The following SDK1 variants were observed in gnomAD, a reference collection of about 807,000 sequenced individuals.
SDK1 encodes the protein protein sidekick-1.
In SDK1, 157 loss-of-function variants were observed where a neutral mutation model predicts 245.5. That is an observed-to-expected ratio of 0.64 (90% confidence interval 0.56 to 0.73). The LOEUF (loss-of-function observed/expected upper bound fraction) is 0.73. Among genes scored for constraint, SDK1 ranks in the 30% least tolerant of loss-of-function variants. SDK1 has a pLI of 0.00. For synonymous variants in SDK1, 1,647 were observed against 1,278.5 expected, an observed-to-expected ratio of 1.29 and a Z score of -6.15; for missense variants, 3,583 against 3,002.3, an observed-to-expected ratio of 1.19 and a Z score of -4.52.
At chr7:3,338,993 A>T (rs1445227624) in intron 1 of SDK1, among the ~76,000 whole-genome samples, 12 of 152,226 alleles carry the variant, frequency 7.9e-5, no homozygotes, top group Admixed American at 3.3e-4. Flanking sequence ...GATGATCTGA[A>T]TACACCAATT....
chr7:4,250,902 C>A (rs1031070035), intron 44 of SDK1, among the ~76,000 whole-genome samples: 2 of 152,092 alleles, frequency 1.3e-5, no homozygotes, highest in African/African-American at 2.4e-5. Flanking sequence ...ACTTTTTCAT[C>A]GCTCTAAAAA....
chr7:3,996,091 T>C lies in SDK1; in HGVS notation c.2131+8769T>C, dbSNP rs538062133. 6.2e-4 allele frequency among the ~76,000 whole-genome samples: 95 copies of C among 152,290 alleles called. 1 individual carries two copies. In the South Asian group the frequency reaches 0.014, roughly 22 times the overall value. ...ATTTTTCTGGAATTTAGGTGTGTTA[T>C]ATACTCTGGCACACTACTTTTCCTT... On this transcript the variant is annotated intron_variant, in intron 14 of 44. Transcript: ENST00000404826.
intron 1 of SDK1, among the ~76,000 whole-genome samples, chr7:3,589,780 C>T (rs1043709628): frequency 2.0e-5 from 3 of 152,168 alleles, no homozygotes; most frequent in African/African-American, 7.2e-5. Flanking sequence ...CCTCATGACA[C>T]ATGGGGATTA....
chr7:4,071,262 T>G (rs1209241708), intron 20 of SDK1, among the ~76,000 whole-genome samples: 1 of 151,798 alleles, frequency 6.6e-6, no homozygotes, highest in Admixed American at 6.6e-5. Context: ...TGACCTCAGG[T>G]GATCCACCCA....
chr7:4,079,515 C>G lies in SDK1; in HGVS notation c.3255C>G (p.Ser1085=). The change falls in exon 22 of 45, where the codon TCC becomes TCG. Residue 1085 remains serine (S), a synonymous_variant. Transcript: ENST00000404826. ...NLVISNISPR[S]ATLQFRPGYD... ...TCATTTCCAACATCAGCCCTCGCTCCGCCACCCTTCAGTTCCGGCCAGGCT... is the reference window on the plus strand; with the variant it reads ...TCATTTCCAACATCAGCCCTCGCTCGGCCACCCTTCAGTTCCGGCCAGGCT... The G allele has an allele frequency of 6.2e-7, 1 of 1,614,236 alleles. No homozygotes were observed. Among genetic ancestry groups the G allele is most frequent in the South Asian group, 1.1e-5 (1 of 91,082 alleles).
chr7:3,924,489 G>T (rs1779701641), intron 5 of SDK1, among the ~76,000 whole-genome samples: 1 of 152,172 alleles, frequency 6.6e-6, no homozygotes, highest in Non-Finnish European at 1.5e-5. Flanking sequence ...ACCCAGAGCT[G>T]TCCTGGTCAC....
intron 5 of SDK1, among the ~76,000 whole-genome samples, chr7:3,897,302 C>A (rs761412800): frequency 6.6e-5 from 10 of 152,168 alleles, no homozygotes; most frequent in Non-Finnish European, 1.3e-4. Context: ...CATGCATTTC[C>A]AGAACATTTC....
intron 1 of SDK1, among the ~76,000 whole-genome samples, chr7:3,460,644 G>C (rs1367150545): frequency 6.6e-6 from 1 of 152,090 alleles, no homozygotes; most frequent in Non-Finnish European, 1.5e-5. Flanking sequence ...TTATTTTATA[G>C]GTTCTATAAA....
intron 1 of SDK1, among the ~76,000 whole-genome samples, chr7:3,468,875 C>T (rs879333973): frequency 3.3e-5 from 5 of 152,182 alleles, no homozygotes; most frequent in African/African-American, 1.2e-4. Context: ...ATTCATTGTC[C>T]TCTCATCAGT....
In SDK1 at chr7:4,267,486, C is replaced by G. The variant is rs1468432416; in HGVS notation, c.*2102C>G. 5.1e-6 allele frequency: 5 copies of G among 985,332 alleles called. No homozygotes were observed. Among genetic ancestry groups the G allele is most frequent in the Non-Finnish European group, 6.0e-6 (5 of 829,944 alleles). 61.0% of individuals were successfully genotyped at this position (985,332 alleles called of 1,614,324 possible). ...CTCACCACAGTGGACAGTGCCACCT[C>G]CTTCCCCTCGGCCCCGGAGAGGGCG... On this transcript the variant is annotated 3_prime_UTR_variant, in exon 45 of 45. Coordinates refer to ENST00000404826, the MANE Select transcript of SDK1 (RefSeq NM_152744.4).
chr7:4,113,260 G>A (rs368027991), intron 23 of SDK1, 29 bp from the exon 24 acceptor site: 73 of 1,603,716 alleles, frequency 4.6e-5, no homozygotes, highest in African/African-American at 3.2e-4. Context: ...TTGCTTTGCC[G>A]TGACTCTCAT....
intron 40 of SDK1, among the ~76,000 whole-genome samples, chr7:4,230,712 G>A (rs892740614): frequency 6.6e-6 from 1 of 152,068 alleles, no homozygotes; most frequent in Non-Finnish European, 1.5e-5. Context: ...ATGGATGGAT[G>A]GGTGGATGGA....
chr7:3,528,807 A>G (rs1783241554), intron 1 of SDK1, among the ~76,000 whole-genome samples: 1 of 152,078 alleles, frequency 6.6e-6, no homozygotes, highest in South Asian at 2.1e-4. Flanking sequence ...CTATTTATGA[A>G]AAAGTGGAAG....
chr7:4,142,868 C>G (rs1429451551), intron 28 of SDK1, among the ~76,000 whole-genome samples: 1 of 152,238 alleles, frequency 6.6e-6, no homozygotes, highest in Admixed American at 6.5e-5. Context: ...CAAAAGGCAG[C>G]TTAAGCCTAG....
chr7:3,821,679 C>G (rs914260764), intron 5 of SDK1, 96 bp downstream of exon 5: 8 of 1,374,084 alleles, frequency 5.8e-6, no homozygotes, highest in Admixed American at 1.9e-5. Flanking sequence ...AATAAATTTT[C>G]TCTCTCTAGT....
intron 5 of SDK1, among the ~76,000 whole-genome samples, chr7:3,824,680 C>T (rs1202402824): frequency 6.6e-6 from 1 of 152,170 alleles, no homozygotes; most frequent in Admixed American, 6.5e-5. Context: ...CAACCTTGTA[C>T]TTGAGAGTTC....
At chr7:4,108,798 G>C (rs983409411) in intron 22 of SDK1, among the ~76,000 whole-genome samples, 5 of 152,096 alleles carry the variant, frequency 3.3e-5, no homozygotes, top group African/African-American at 1.2e-4. Flanking sequence ...ATGCCACAAA[G>C]AGACCTCATA....
intron 5 of SDK1, among the ~76,000 whole-genome samples, chr7:3,867,486 G>T (rs918078390): frequency 6.6e-6 from 1 of 152,256 alleles, no homozygotes; most frequent in Admixed American, 6.5e-5. Flanking sequence ...TGGCTGGGGC[G>T]GCCTCACAAT....
chr7:4,213,892 C>T (rs1487745996), intron 38 of SDK1, among the ~76,000 whole-genome samples: 3 of 152,168 alleles, frequency 2.0e-5, no homozygotes, highest in South Asian at 2.1e-4. Context: ...CAGCATGTCC[C>T]GCTTACATGG....
Sources: allele counts gnomAD v4.1 joint callset (sites outside exome capture counted in the v4.1 genomes callset), GRCh38; gene constraint gnomAD v4.1.1; transcripts MANE v1.5; gene names NCBI Gene and HGNC (gene_info 2026-07-23, HGNC 2026-07-21).